UBE4B: variants seen among roughly 807,000 people sequenced by gnomAD.
The protein encoded by UBE4B is ubiquitin conjugation factor E4 B.
UBE4B carries 27 observed loss-of-function variants against 148.1 expected under a neutral mutation model. The observed-to-expected ratio is 0.18, with a 90% confidence interval of 0.13 to 0.25. The LOEUF (loss-of-function observed/expected upper bound fraction) is 0.25. Ranked by LOEUF, UBE4B falls within the 10% of genes least tolerant of loss-of-function variation. The pLI, the probability that UBE4B is intolerant of heterozygous loss-of-function variation, is 1.00. For synonymous variants in UBE4B, 596 were observed against 619.3 expected (o/e 0.96, Z 0.56); for missense variants, 1,170 against 1,662.4 (o/e 0.70, Z 5.15).
rs77452977 is a variant in UBE4B, at chr1:10,046,847, A to G, written c.24+13153A>G. On this transcript the variant is annotated intron_variant, in intron 1 of 27. Coordinates refer to ENST00000343090, the MANE Select transcript of UBE4B (RefSeq NM_001105562.3). ...ACCAGACTCTGAAAACTTTGATTGT[A>G]GACCGCGGACATTCCTCAGGCAGAC... 7.6e-3 allele frequency among the ~76,000 whole-genome samples: 1,161 copies of G among 152,330 alleles called. 10 individuals carry two copies. Among genetic ancestry groups the G allele is most frequent in the South Asian group, 0.019 (92 of 4,832 alleles).
At position 10,119,556 on chromosome 1, in the gene UBE4B, G is replaced by A. The variant is rs761577852; in HGVS notation, c.1382G>A (p.Arg461His). The A allele has an allele frequency of 4.8e-5, 78 of 1,613,372 alleles. No homozygotes were observed. Among genetic ancestry groups the A allele is most frequent in the East Asian group, 2.0e-4 (9 of 44,866 alleles). Residue 461 changes from arginine to histidine, a missense_variant, in exon 9 of 28, where the codon CGC (arginine) becomes CAC (histidine). By Grantham distance (29) the Arg-to-His change is conservative. This residue lies in a region of UBE4B where 388 missense variants were observed against 536.0 expected (regional missense o/e 0.72). Transcript: ENST00000343090. Reference sequence around the variant, plus strand: ...GTCAGCCAGCTTCTGAGCAACATCCGCTCACAGTGCATATCCCATACTGCT... The same window carrying A: ...GTCAGCCAGCTTCTGAGCAACATCCACTCACAGTGCATATCCCATACTGCT... ...PAVSQLLSNI[R>H]SQCISHTALV...
intron 24 of UBE4B, 39 bp from the exon 25 acceptor site, chr1:10,171,099 C>G (rs756987417): frequency 3.8e-6 from 6 of 1,587,334 alleles, no homozygotes; most frequent in Non-Finnish European, 5.2e-6. Flanking sequence ...TCACTTGTCT[C>G]AACAGCATGA....
At chr1:10,121,893 A>G in intron 9 of UBE4B, 69 bp from the exon 10 acceptor site, 1 of 984,004 alleles carries the variant, frequency 1.0e-6, no homozygotes, top group Non-Finnish European at 1.5e-6. Context: ...GTTGTTGCTG[A>G]CATGACATTT....
At chr1:10,065,935 T>A (rs72638953) in intron 1 of UBE4B, among the ~76,000 whole-genome samples, 4,891 of 152,156 alleles carry the variant, frequency 0.032, 323 homozygotes, top group Admixed American at 0.16. Flanking sequence ...TTCAATTTTT[T>A]AAAAAATGGA....
At chr1:10,170,684 G>A in intron 24 of UBE4B, among the ~76,000 whole-genome samples, 1 of 152,194 alleles carries the variant, frequency 6.6e-6, no homozygotes, top group East Asian at 1.9e-4. Flanking sequence ...ACATAAGAAT[G>A]ACACAGACTG....
At chr1:10,153,087 TC>T (rs1646003992) in intron 21 of UBE4B, among the ~76,000 whole-genome samples, 1 of 151,860 alleles carries the variant, frequency 6.6e-6, no homozygotes. Flanking sequence ...AGGTCCTAAG[TC>T]CCTTGTTTCT....
In UBE4B at chr1:10,144,936, T is replaced by G; in HGVS notation, c.2364-4T>G. On this transcript the variant is annotated splice_polypyrimidine_tract_variant and splice_region_variant and intron_variant, in intron 17 of 27. Coordinates refer to ENST00000343090, the MANE Select transcript of UBE4B (RefSeq NM_001105562.3). ...TTCATTTGACTGTTAGTCTTTGATTTCAGAACTGTAGAAGATTTGAAAAAT... is the reference window on the plus strand; with the variant it reads ...TTCATTTGACTGTTAGTCTTTGATTGCAGAACTGTAGAAGATTTGAAAAAT... 6.2e-7 allele frequency: 1 copy of G among 1,610,568 alleles called. No individual in the cohort carries two copies. Among genetic ancestry groups the G allele is most frequent in the Non-Finnish European group, 8.5e-7 (1 of 1,177,610 alleles).
At chr1:10,094,591 G>A (rs1361212267) in intron 2 of UBE4B, among the ~76,000 whole-genome samples, 7 of 150,304 alleles carry the variant, frequency 4.7e-5, no homozygotes, top group South Asian at 2.1e-4. Context: ...CCGCCACCAC[G>A]CCCAGCTAAT....
At chr1:10,127,749 T>C (rs2101936228) in intron 11 of UBE4B, among the ~76,000 whole-genome samples, 1 of 152,322 alleles carries the variant, frequency 6.6e-6, no homozygotes, top group Middle Eastern at 3.4e-3. Context: ...TGCTAGACAC[T>C]GGTGATACAG....
intron 1 of UBE4B, among the ~76,000 whole-genome samples, chr1:10,065,873 TA>T: frequency 6.6e-6 from 1 of 152,322 alleles, no homozygotes; most frequent in East Asian, 1.9e-4. Flanking sequence ...TACATCCTTT[TA>T]AAAAATAAAT....
intron 17 of UBE4B, among the ~76,000 whole-genome samples, chr1:10,138,314 G>A (rs1250287427): frequency 6.6e-6 from 1 of 151,972 alleles, no homozygotes; most frequent in African/African-American, 2.4e-5. Context: ...AGCCAGGATA[G>A]TCTTGATCTC....
intron 7 of UBE4B, among the ~76,000 whole-genome samples, chr1:10,115,952 T>C (rs1015497224): frequency 6.6e-6 from 1 of 152,230 alleles, no homozygotes. Flanking sequence ...CACTAGGGTA[T>C]ATTTGGTCCA....
intron 11 of UBE4B, among the ~76,000 whole-genome samples, chr1:10,127,596 A>G (rs549339166): frequency 6.6e-6 from 1 of 152,364 alleles, no homozygotes; most frequent in South Asian, 2.1e-4. Context: ...AAATATCAAA[A>G]TGAAATTAGT....
At chr1:10,176,050 A>G (rs1200399596) in intron 25 of UBE4B, among the ~76,000 whole-genome samples, 1 of 152,156 alleles carries the variant, frequency 6.6e-6, no homozygotes, top group Non-Finnish European at 1.5e-5. Flanking sequence ...CTATTTTTGG[A>G]TTTACCTATT....
At chr1:10,036,162 T>G (rs1242864582) in intron 1 of UBE4B, among the ~76,000 whole-genome samples, 1 of 151,970 alleles carries the variant, frequency 6.6e-6, no homozygotes, top group Non-Finnish European at 1.5e-5. Flanking sequence ...ACCAAAAAAT[T>G]CTTTTCAAAC....
At chr1:10,058,015 G>A (rs1644208749) in intron 1 of UBE4B, among the ~76,000 whole-genome samples, 1 of 152,166 alleles carries the variant, frequency 6.6e-6, no homozygotes. Context: ...TCTTGTGAGA[G>A]TAAAAGGGTC....
intron 4 of UBE4B, 39 bp from the exon 5 acceptor site, chr1:10,102,909 C>G (rs1390476308): frequency 1.3e-6 from 2 of 1,575,736 alleles, no homozygotes; most frequent in South Asian, 1.1e-5. Flanking sequence ...ACTCATACCT[C>G]TTATTTGAAA....
At position 10,105,704 on chromosome 1, in the gene UBE4B, T is replaced by G; in HGVS notation, c.769T>G (p.Phe257Val). 1 of 1,614,194 alleles carries G rather than the reference T, an allele frequency of 6.2e-7. No homozygotes were observed. Among genetic ancestry groups the G allele is most frequent in the Non-Finnish European group, 8.5e-7 (1 of 1,180,046 alleles). Residue 257 changes from phenylalanine (F) to valine (V), a missense_variant, in exon 6 of 28, where the codon TTC (phenylalanine) becomes GTC (valine). Phe to Val is a conservative substitution (Grantham distance 50). This residue lies in a region of UBE4B where 214 missense variants were observed against 209.1 expected (regional missense o/e 1.02). Transcript: ENST00000343090. ...TGSNPGTSPM[F>V]CSVASFGASS... The stretch of plus-strand genomic sequence containing the variant: ...CTCCAATCCAGGAACAAGCCCCATG[T>G]TCTGCAGCGTGGCTTCCTTTGGTGC...
chr1:10,111,233 G>A (rs1027919557), intron 7 of UBE4B, among the ~76,000 whole-genome samples: 2 of 151,174 alleles, frequency 1.3e-5, no homozygotes, highest in Non-Finnish European at 1.5e-5. Context: ...CACACCACGC[G>A]CTACACACAC....
Sources: gnomAD v4.1 joint callset for allele counts (sites outside exome capture counted in the v4.1 genomes callset) on GRCh38, gnomAD v4.1.1 for gene constraint, gnomAD v4.1.1 regional missense constraint, MANE v1.5 for transcripts, NCBI Gene and HGNC (gene_info 2026-07-23, HGNC 2026-07-21) for gene names.